FLRT1: variants seen among roughly 807,000 people sequenced by gnomAD.
The protein encoded by FLRT1 is leucine-rich repeat transmembrane protein FLRT1.
In FLRT1, 14 loss-of-function variants were observed where a neutral mutation model predicts 30.9. That is an observed-to-expected ratio of 0.45 (90% confidence interval 0.30 to 0.71). FLRT1 has a LOEUF of 0.71. Ranked by LOEUF, FLRT1 falls within the 30% of genes least tolerant of loss-of-function variation. The pLI is 0.08. For synonymous variants in FLRT1, 368 were observed against 430.4 expected, an observed-to-expected ratio of 0.85 and a Z score of 1.80; for missense variants, 737 against 949.2, an observed-to-expected ratio of 0.78 and a Z score of 2.94.
intron 1 of FLRT1, among the ~76,000 whole-genome samples, chr11:64,101,519 C>T (rs948456520): frequency 6.6e-6 from 1 of 152,198 alleles, no homozygotes. Context: ...TGCCAAGGCC[C>T]GCTGCCCCTG....
chr11:64,058,215 G>T (rs1361780212), intron 1 of FLRT1, among the ~76,000 whole-genome samples: 1 of 152,268 alleles, frequency 6.6e-6, no homozygotes, highest in Non-Finnish European at 1.5e-5. Flanking sequence ...GGCTGGTAGA[G>T]AGGTGGGCAT....
At chr11:64,062,819 C>G (rs546495065) in intron 1 of FLRT1, among the ~76,000 whole-genome samples, 6 of 152,306 alleles carry the variant, frequency 3.9e-5, no homozygotes, top group Non-Finnish European at 7.4e-5. Context: ...CCACACAGCT[C>G]ACACAGCAGG....
chr11:64,118,369 A>G lies in FLRT1; in HGVS notation c.*77A>G. 1 of 1,447,568 alleles carries G rather than the reference A, an allele frequency of 6.9e-7. No individual in the cohort carries two copies. Among genetic ancestry groups the G allele is most frequent in the Non-Finnish European group, 9.1e-7 (1 of 1,093,014 alleles). The allele number at this position is 1,447,568 out of a possible 1,614,324, so 89.7% of individuals were successfully genotyped here. The stretch of plus-strand genomic sequence containing the variant: ...CATGTGGCTTTGCCCAGCCTGCTGC[A>G]ATCCAAGAGAGCAAGGAAGAGAAAT... On this transcript the variant is annotated 3_prime_UTR_variant, in exon 3 of 3. Transcript: ENST00000682287.
At chr11:64,075,870 C>T (rs1320651088) in intron 1 of FLRT1, among the ~76,000 whole-genome samples, 1 of 152,216 alleles carries the variant, frequency 6.6e-6, no homozygotes, top group African/African-American at 2.4e-5. Context: ...GACGGGGTTT[C>T]ACCATGTTGG....
intron 1 of FLRT1, among the ~76,000 whole-genome samples, chr11:64,078,182 CCA>C (rs1944238573): frequency 6.6e-6 from 1 of 152,216 alleles, no homozygotes; most frequent in Admixed American, 6.5e-5. Flanking sequence ...TGTGCCCGCC[CCA>C]GAGATGCAGA....
At position 64,053,874 on chromosome 11, in the gene FLRT1, G is replaced by GCAAGGCCGCATACCCGGTTGCTT; in HGVS notation, c.-1038+17717_-1038+17739dup. 2.0e-5 allele frequency among the ~76,000 whole-genome samples: 3 copies of GCAAGGCCGCATACCCGGTTGCTT among 152,266 alleles called. No homozygotes were observed. In the South Asian group the frequency reaches 6.2e-4, roughly 32 times the overall value. The stretch of plus-strand genomic sequence containing the variant: ...TGGGAGTTAGGGGCAGGGCTAAGAT[G>GCAAGGCCGCATACCCGGTTGCTT]CAAGGCCGCATACCCGGTTGCTTCC... On this transcript the variant is annotated intron_variant, in intron 1 of 2. Transcript: ENST00000682287.
At chr11:64,074,191 C>G (rs535094050) in intron 1 of FLRT1, among the ~76,000 whole-genome samples, 9 of 152,298 alleles carry the variant, frequency 5.9e-5, no homozygotes, top group Admixed American at 3.9e-4. Context: ...ATGGGGAAAC[C>G]GAGGCAGAGA....
intron 1 of FLRT1, among the ~76,000 whole-genome samples, chr11:64,057,842 A>G (rs1943818578): frequency 2.0e-5 from 3 of 152,074 alleles, no homozygotes; most frequent in Admixed American, 6.5e-5. Flanking sequence ...ACCCCTTTCC[A>G]CTTTACAGTT....
chr11:64,087,561 G>A (rs188183026), intron 1 of FLRT1, among the ~76,000 whole-genome samples: 3 of 152,338 alleles, frequency 2.0e-5, no homozygotes, highest in East Asian at 1.9e-4. Context: ...AGAAATGGGC[G>A]CAGCTGGTAC....
At chr11:64,086,721 AG>A (rs1264777525) in intron 1 of FLRT1, among the ~76,000 whole-genome samples, 1 of 152,150 alleles carries the variant, frequency 6.6e-6, no homozygotes, top group African/African-American at 2.4e-5. Context: ...TGAAGAAGGA[AG>A]GTTCTCGTGC....
chr11:64,093,845 A>G (rs7941785), intron 1 of FLRT1, among the ~76,000 whole-genome samples: 90,974 of 152,008 alleles, frequency 0.6, 27,670 homozygotes, highest in Middle Eastern at 0.76. Flanking sequence ...CCTTCAATAT[A>G]CCATTGATTC....
chr11:64,117,993 T>C lies in FLRT1; in HGVS notation c.1726T>C (p.Tyr576His). The change falls in exon 3 of 3, where the codon TAC becomes CAC. Residue 576 changes from tyrosine to histidine, a missense_variant. By Grantham distance (83) the Tyr-to-His change is moderately conservative. Transcript: ENST00000682287. ...CCTGGTCCTGGGGGCCATCTGCTGG[T>C]ACGTGCACCAGGCTGGCGAGCTGCT... Reference protein sequence around the residue: ...LFLVLGAICWYVHQAGELLTR... With the variant: ...LFLVLGAICWHVHQAGELLTR... 1 of 1,613,794 alleles carries C rather than the reference T, an allele frequency of 6.2e-7. No homozygotes were observed. Among genetic ancestry groups the C allele is most frequent in the South Asian group, 1.1e-5 (1 of 91,088 alleles).
At chr11:64,039,138 A>G (rs1256214470) in intron 1 of FLRT1, among the ~76,000 whole-genome samples, 2 of 152,134 alleles carry the variant, frequency 1.3e-5, no homozygotes, top group Non-Finnish European at 2.9e-5. Flanking sequence ...GGGCAGTGGG[A>G]AATGCCCCAG....
intron 1 of FLRT1, among the ~76,000 whole-genome samples, chr11:64,047,679 C>T (rs139906212): frequency 0.022 from 3,312 of 152,082 alleles, 115 homozygotes; most frequent in African/African-American, 0.074. Context: ...GATGGATCAC[C>T]TCAGGTCAGG....
chr11:64,101,050 T>C (rs1944661843), intron 1 of FLRT1, among the ~76,000 whole-genome samples: 1 of 152,142 alleles, frequency 6.6e-6, no homozygotes, highest in South Asian at 2.1e-4. Flanking sequence ...AGGTCCTCCC[T>C]TGAAGCCAGG....
chr11:64,067,354 G>C lies in FLRT1; in HGVS notation c.-1038+31195G>C, dbSNP rs1451958363. 1.3e-5 allele frequency among the ~76,000 whole-genome samples: 2 copies of C among 152,136 alleles called. No individual in the cohort carries two copies. The highest frequency in any genetic ancestry group is 6.5e-5 in the Admixed American group (1 of 15,272). Reference sequence around the variant, plus strand: ...GATGGTGAGGGGGGAATCCATTATCGGGCAAAATAGCAGCTGCTGACGTGA... The same window carrying C: ...GATGGTGAGGGGGGAATCCATTATCCGGCAAAATAGCAGCTGCTGACGTGA... On this transcript the variant is annotated intron_variant, in intron 1 of 2. Coordinates refer to ENST00000682287, the MANE Select transcript of FLRT1 (RefSeq NM_013280.5). The surrounding 1 kb of genome is among the most constrained non-coding windows in gnomAD (Gnocchi z 4.6).
At chr11:64,040,825 C>G (rs1382581760) in intron 1 of FLRT1, among the ~76,000 whole-genome samples, 2 of 151,972 alleles carry the variant, frequency 1.3e-5, no homozygotes, top group South Asian at 2.1e-4. Context: ...TGGAGGGCCC[C>G]GGACCCGGCT....
rs992654249 is a variant in FLRT1, at chr11:64,096,075, G to A, written c.-1037-7119G>A. ...TTGAGAGCTCCAGCGTGGGGACAGC[G>A]TGGGGCCCACTTCACAGCCAGGCTG... On this transcript the variant is annotated intron_variant, in intron 1 of 2. Coordinates refer to ENST00000682287, the MANE Select transcript of FLRT1 (RefSeq NM_013280.5). The surrounding 1 kb of genome is among the most constrained non-coding windows in gnomAD (Gnocchi z 4.6). 2.6e-5 allele frequency among the ~76,000 whole-genome samples: 4 copies of A among 152,372 alleles called. No individual in the cohort carries two copies. Among genetic ancestry groups the A allele is most frequent in the Admixed American group, 6.5e-5 (1 of 15,312 alleles).
intron 2 of FLRT1, among the ~76,000 whole-genome samples, chr11:64,115,682 T>C (rs1944964781): frequency 6.6e-6 from 1 of 152,198 alleles, no homozygotes; most frequent in Non-Finnish European, 1.5e-5. Context: ...CCTTTTGAGC[T>C]CCTGGGCCTT....
Sources: gnomAD v4.1 joint callset for allele counts (sites outside exome capture counted in the v4.1 genomes callset) on GRCh38, gnomAD v4.1.1 for gene constraint, Gnocchi (gnomAD v3.1) non-coding constraint, MANE v1.5 for transcripts, NCBI Gene and HGNC (gene_info 2026-07-23, HGNC 2026-07-21) for gene names.